CUL3: variants seen among roughly 807,000 people sequenced by gnomAD.
The protein encoded by CUL3 is cullin-3.
A neutral mutation model predicts 89.1 loss-of-function variants in CUL3; 19 were observed. That is an observed-to-expected ratio of 0.21 (90% CI 0.15 to 0.31). The LOEUF is 0.31. Among genes scored for constraint, CUL3 ranks in the 10% least tolerant of loss-of-function variants. The pLI, the probability that CUL3 is intolerant of heterozygous loss-of-function variation, is 1.00. For missense variants in CUL3, 469 were observed against 942.3 expected (o/e 0.50, Z 6.58); for synonymous variants, 351 against 308.4 (o/e 1.14, Z -1.45).
chr2:224,475,442 T>C (rs183541522), intron 15 of CUL3, among the ~76,000 whole-genome samples: 5 of 152,334 alleles, frequency 3.3e-5, no homozygotes, highest in African/African-American at 9.6e-5. Context: ...AATCTAAACC[T>C]TTCTGACCTC....
At chr2:224,494,290 T>C (rs1692086449) in intron 13 of CUL3, among the ~76,000 whole-genome samples, 1 of 152,200 alleles carries the variant, frequency 6.6e-6, no homozygotes, top group African/African-American at 2.4e-5. Flanking sequence ...GAATTAATTT[T>C]GAGTCTTTCA....
Position 224,471,373 on chromosome 2 carries a change from A to G in CUL3, c.*2872T>C, listed in dbSNP as rs745940459. 5 of 198,702 alleles carry G rather than the reference A, an allele frequency of 2.5e-5. No individual in the cohort carries two copies. The highest frequency in any genetic ancestry group is 5.2e-5 in the Non-Finnish European group (5 of 96,250). The allele number at this position is 198,702 out of a possible 1,614,324, so 12.3% of individuals were successfully genotyped here. A position where few individuals can be genotyped will look rare whatever the true frequency, so the allele number is the denominator to read the frequency against. Reference sequence around the variant, plus strand: ...CTGTAAACATTAAAACTGCTTTCCAAATTAAGGAATTAAATAATATTTAGA... The same window carrying G: ...CTGTAAACATTAAAACTGCTTTCCAGATTAAGGAATTAAATAATATTTAGA... On this transcript the variant is annotated 3_prime_UTR_variant, in exon 16 of 16. Transcript: ENST00000264414.
In CUL3 at chr2:224,520,248, C is replaced by A. The variant is rs761953583; in HGVS notation, c.379-5476G>T. ...TAAATCTCTATTTACAGTTCTCTCT[C>A]AAGGGTTGCTATTCCTTGGCCAAGC... On this transcript the variant is annotated intron_variant, in intron 3 of 15. Coordinates refer to ENST00000264414, the MANE Select transcript of CUL3 (RefSeq NM_003590.5). Among the ~76,000 whole-genome samples the A allele has an allele frequency of 1.3e-3, 192 of 152,294 alleles. 1 individual carries two copies. The highest frequency in any genetic ancestry group is 1.4e-3 in the Non-Finnish European group (96 of 68,018).
At chr2:224,516,286 T>A (rs1693041952) in intron 3 of CUL3, among the ~76,000 whole-genome samples, 1 of 151,652 alleles carries the variant, frequency 6.6e-6, no homozygotes, top group Non-Finnish European at 1.5e-5. Context: ...ATTCCAAGTT[T>A]CCCTCTGACC....
rs184065281 is a variant in CUL3, at chr2:224,488,739, G to T, written c.1843-6661C>A. On this transcript the variant is annotated intron_variant, in intron 13 of 15. Coordinates refer to ENST00000264414, the MANE Select transcript of CUL3 (RefSeq NM_003590.5). ...ACTATTCCAAACAATATAAAAAGAG[G>T]GACTTCACCTTAACTCATTTTATGA... 1.8e-3 allele frequency among the ~76,000 whole-genome samples: 281 copies of T among 152,172 alleles called. 1 individual carries two copies. The highest frequency in any genetic ancestry group is 3.5e-3 in the Non-Finnish European group (239 of 68,018).
intron 1 of CUL3, among the ~76,000 whole-genome samples, chr2:224,570,690 G>A (rs1293977247): frequency 6.6e-6 from 1 of 152,052 alleles, no homozygotes; most frequent in Non-Finnish European, 1.5e-5. Context: ...CAGCAGCATG[G>A]GACAATTCCA....
intron 12 of CUL3, among the ~76,000 whole-genome samples, chr2:224,496,490 T>C (rs77955933): frequency 0.016 from 2,466 of 152,312 alleles, 72 homozygotes; most frequent in African/African-American, 0.056. Flanking sequence ...TGTCCCCCCA[T>C]TGTGAACATT....
chr2:224,549,882 A>G (rs1364151046), intron 2 of CUL3, among the ~76,000 whole-genome samples: 1 of 152,170 alleles, frequency 6.6e-6, no homozygotes, highest in Non-Finnish European at 1.5e-5. Flanking sequence ...ACACACGCAC[A>G]CACACACACG....
chr2:224,516,896 C>T (rs1024892793), intron 3 of CUL3, among the ~76,000 whole-genome samples: 1 of 151,610 alleles, frequency 6.6e-6, no homozygotes, highest in South Asian at 2.1e-4. Flanking sequence ...CCACCCACCT[C>T]GGCCTCCCAA....
intron 6 of CUL3, among the ~76,000 whole-genome samples, chr2:224,508,545 T>C (rs2106209209): frequency 6.6e-6 from 1 of 152,360 alleles, no homozygotes; most frequent in Middle Eastern, 3.4e-3. Context: ...TATTTAGTTG[T>C]ACATAAATTA....
chr2:224,474,467 C>CTGAA lies in CUL3; in HGVS notation c.2176-95_2176-92dup, dbSNP rs1365543714. ...GATATGTCATTTTAACACTCAGAGA[C>CTGAA]TGAACTTTACTAACTGGATTACCAA... On this transcript the variant is annotated intron_variant, in intron 15 of 15. Coordinates refer to ENST00000264414, the MANE Select transcript of CUL3 (RefSeq NM_003590.5). The CTGAA allele has an allele frequency of 3.0e-6, 3 of 1,013,858 alleles. No individual in the cohort carries two copies. In the East Asian group the frequency reaches 7.8e-5, roughly 27 times the overall value. The allele number at this position is 1,013,858 out of a possible 1,614,324, so 62.8% of individuals were successfully genotyped here. A position where few individuals can be genotyped will look rare whatever the true frequency, so the allele number is the denominator to read the frequency against.
At chr2:224,484,359 T>C (rs1691641271) in intron 13 of CUL3, among the ~76,000 whole-genome samples, 1 of 152,160 alleles carries the variant, frequency 6.6e-6, no homozygotes, top group Non-Finnish European at 1.5e-5. Context: ...TCATGACCAC[T>C]ATGGGAAAAA....
chr2:224,524,970 C>T (rs1693413960), intron 3 of CUL3, among the ~76,000 whole-genome samples: 1 of 146,244 alleles, frequency 6.8e-6, no homozygotes, highest in Admixed American at 6.9e-5. Context: ...AAATAATAAG[C>T]TAATGGGGGT....
chr2:224,583,630 T>C (rs1225110898), intron 1 of CUL3, among the ~76,000 whole-genome samples: 1 of 152,244 alleles, frequency 6.6e-6, no homozygotes, highest in Non-Finnish European at 1.5e-5. Context: ...AATTCCATCG[T>C]ACCTATTTAC....
intron 3 of CUL3, among the ~76,000 whole-genome samples, chr2:224,534,341 T>C (rs1693803680): frequency 6.6e-6 from 1 of 152,174 alleles, no homozygotes; most frequent in Non-Finnish European, 1.5e-5. Flanking sequence ...AATATACATG[T>C]GAAGAAGCTA....
intron 13 of CUL3, among the ~76,000 whole-genome samples, chr2:224,486,573 G>C (rs1048798589): frequency 5.8e-5 from 8 of 138,982 alleles, no homozygotes; most frequent in African/African-American, 2.4e-4. Context: ...AGGGAAAAAA[G>C]AATGAAAAGG....
At chr2:224,578,442 T>C (rs904001939) in intron 1 of CUL3, among the ~76,000 whole-genome samples, 5 of 152,300 alleles carry the variant, frequency 3.3e-5, no homozygotes, top group Middle Eastern at 3.4e-3. Context: ...ATGTTGTTTG[T>C]TTCCAAGTGG....
Position 224,471,917 on chromosome 2 carries a change from T to TG in CUL3, c.*2327dup, listed in dbSNP as rs1163335450. 1 of 231,082 alleles carries TG rather than the reference T, an allele frequency of 4.3e-6. No homozygotes were observed. Among genetic ancestry groups the TG allele is most frequent in the East Asian group, 6.2e-5 (1 of 16,252 alleles). 14.3% of individuals were successfully genotyped at this position (231,082 alleles called of 1,614,324 possible). On this transcript the variant is annotated 3_prime_UTR_variant, in exon 16 of 16. Transcript: ENST00000264414. The stretch of plus-strand genomic sequence containing the variant: ...ATTTCTCTGCACCAACAGGATGGAA[T>TG]GGTTAGGATGCATTTTTCTTTCAAA...
intron 1 of CUL3, among the ~76,000 whole-genome samples, chr2:224,567,226 GT>G (rs1695063571): frequency 6.6e-6 from 1 of 152,058 alleles, no homozygotes; most frequent in Non-Finnish European, 1.5e-5. Flanking sequence ...CTTTGTTTTC[GT>G]TTTTGTTTTA....
Sources: allele counts gnomAD v4.1 joint callset (sites outside exome capture counted in the v4.1 genomes callset), GRCh38; gene constraint gnomAD v4.1.1; transcripts MANE v1.5; gene names NCBI Gene and HGNC (gene_info 2026-07-23, HGNC 2026-07-21).